GRM7: variants seen among roughly 807,000 people sequenced by gnomAD.
The protein encoded by GRM7 is metabotropic glutamate receptor 7.
Under a neutral mutation model 84.5 loss-of-function variants are expected in GRM7, and 35 were observed. The ratio of observed to expected loss-of-function variants is 0.41; its 90% CI spans 0.32 to 0.55. The LOEUF (loss-of-function observed/expected upper bound fraction) is 0.55, where lower values mean the gene tolerates loss of function less well. Ranked by LOEUF, GRM7 falls within the 20% of genes least tolerant of loss-of-function variation. GRM7 has a pLI of 0.19. For missense variants in GRM7, 1,003 were observed against 1,194.6 expected, an observed-to-expected ratio of 0.84 and a Z score of 2.36; for synonymous variants, 487 against 455.1, an observed-to-expected ratio of 1.07 and a Z score of -0.89.
intron 1 of GRM7, among the ~76,000 whole-genome samples, chr3:7,036,618 TCA>T (rs1477677113): frequency 9.9e-5 from 15 of 152,198 alleles, no homozygotes; most frequent in Non-Finnish European, 1.6e-4. Context: ...ACATTTTATT[TCA>T]CGTGGGTTTT....
intron 1 of GRM7, among the ~76,000 whole-genome samples, chr3:6,871,134 C>T (rs1356882773): frequency 6.6e-6 from 1 of 152,118 alleles, no homozygotes; most frequent in African/African-American, 2.4e-5. Flanking sequence ...AACAGTATCT[C>T]ATTATTTTAA....
chr3:7,294,288 G>A (rs1307526691), intron 2 of GRM7, among the ~76,000 whole-genome samples: 1 of 152,136 alleles, frequency 6.6e-6, no homozygotes, highest in Non-Finnish European at 1.5e-5. Flanking sequence ...GAGAAGCTGG[G>A]TTTCCATCCA....
At chr3:7,361,305 A>T (rs1403193879) in intron 4 of GRM7, among the ~76,000 whole-genome samples, 1 of 151,972 alleles carries the variant, frequency 6.6e-6, no homozygotes, top group African/African-American at 2.4e-5. Flanking sequence ...ATGCATTTAC[A>T]TTATCCCGAA....
At chr3:7,610,705 C>A (rs1210533642) in intron 8 of GRM7, among the ~76,000 whole-genome samples, 1 of 152,110 alleles carries the variant, frequency 6.6e-6, no homozygotes, top group Non-Finnish European at 1.5e-5. Context: ...TTTTCATGAT[C>A]CAGGGCATTA....
intron 2 of GRM7, among the ~76,000 whole-genome samples, chr3:7,257,167 G>A (rs1698239849): frequency 1.3e-5 from 2 of 152,100 alleles, no homozygotes; most frequent in Non-Finnish European, 2.9e-5. Context: ...TCAAGTAAAG[G>A]TAAGTTAGGT....
chr3:7,376,121 A>G (rs1282409536), intron 4 of GRM7, among the ~76,000 whole-genome samples: 5 of 152,192 alleles, frequency 3.3e-5, no homozygotes, highest in South Asian at 2.1e-4. Flanking sequence ...CGATGTTTTA[A>G]TTAAATTTTT....
chr3:7,138,878 C>T (rs926655411), intron 1 of GRM7, among the ~76,000 whole-genome samples: 1 of 151,080 alleles, frequency 6.6e-6, no homozygotes, highest in African/African-American at 2.4e-5. Flanking sequence ...TGTTTGTACA[C>T]ATTTAGACTT....
chr3:6,897,814 T>G (rs1043293343), intron 1 of GRM7, among the ~76,000 whole-genome samples: 13 of 152,188 alleles, frequency 8.5e-5, no homozygotes, highest in African/African-American at 2.2e-4. Flanking sequence ...GAAACAGAGA[T>G]AGTGTAGCAT....
intron 4 of GRM7, among the ~76,000 whole-genome samples, chr3:7,307,297 A>G (rs76815744): frequency 0.012 from 1,869 of 152,336 alleles, 33 homozygotes; most frequent in African/African-American, 0.043. Flanking sequence ...TTTGCCGATT[A>G]TAAGTTATGT....
At chr3:7,199,292 A>G (rs554414453) in intron 2 of GRM7, among the ~76,000 whole-genome samples, 2 of 152,314 alleles carry the variant, frequency 1.3e-5, no homozygotes, top group East Asian at 3.9e-4. Flanking sequence ...ATGAAGAGAG[A>G]TCTGGATGAC....
rs772468293 is a variant in GRM7, at chr3:7,142,308, A to G, written c.520-4144A>G. On this transcript the variant is annotated intron_variant, in intron 1 of 9. Transcript: ENST00000357716. ...TAGTAGTCTGCTTTCACACTGCTAT[A>G]AAGAACTGCTTGAGACTGGGTAACT... 1.4e-4 allele frequency among the ~76,000 whole-genome samples: 21 copies of G among 152,148 alleles called. 1 individual carries two copies. Among genetic ancestry groups the G allele is most frequent in the Non-Finnish European group, 1.9e-4 (13 of 68,034 alleles).
intron 2 of GRM7, among the ~76,000 whole-genome samples, chr3:7,244,374 A>G (rs1277098631): frequency 1.3e-5 from 2 of 152,108 alleles, no homozygotes; most frequent in African/African-American, 4.8e-5. Context: ...ACATGGAGCA[A>G]CAAAAATCTT....
intron 8 of GRM7, among the ~76,000 whole-genome samples, chr3:7,592,633 T>A (rs147062314): frequency 2.6e-4 from 40 of 152,226 alleles, no homozygotes; most frequent in Non-Finnish European, 5.1e-4. Context: ...AGGATCAAGC[T>A]GATCCTCCCA....
rs543997808 is a variant in GRM7 at position 7,200,020 on chromosome 3, G to A, written c.736+53352G>A. On this transcript the variant is annotated intron_variant, in intron 2 of 9. Coordinates refer to ENST00000357716, the MANE Select transcript of GRM7 (RefSeq NM_000844.4). The stretch of plus-strand genomic sequence containing the variant: ...TAGTGCTGCACCTGGTTGGTTCCTG[G>A]TGAGGGCACATGCTGGGTCATAACA... Among the ~76,000 whole-genome samples the A allele has an allele frequency of 9.2e-5, 14 of 152,324 alleles. No individual in the cohort carries two copies. The South Asian group carries it at 2.5e-3, about 27-fold the overall frequency.
chr3:7,725,502 C>G (rs1702091064), intron 9 of GRM7, among the ~76,000 whole-genome samples: 1 of 150,318 alleles, frequency 6.7e-6, no homozygotes, highest in Non-Finnish European at 1.5e-5. Flanking sequence ...ATCACACAGG[C>G]ACACACACAC....
chr3:6,939,752 T>C (rs760707905), intron 1 of GRM7, among the ~76,000 whole-genome samples: 6 of 152,168 alleles, frequency 3.9e-5, no homozygotes, highest in Non-Finnish European at 8.8e-5. Context: ...CTAGGAAAGA[T>C]ATAATCTTAA....
intron 5 of GRM7, among the ~76,000 whole-genome samples, chr3:7,446,484 G>T (rs367981904): frequency 7.3e-6 from 1 of 137,678 alleles, no homozygotes; most frequent in East Asian, 2.1e-4. Flanking sequence ...TTTTTGAGAC[G>T]GAGTCTCATT....
intron 2 of GRM7, among the ~76,000 whole-genome samples, chr3:7,281,422 C>G (rs917949331): frequency 6.6e-6 from 1 of 152,046 alleles, no homozygotes; most frequent in Non-Finnish European, 1.5e-5. Context: ...GTTGGAAGAT[C>G]TCAATAAATT....
At chr3:7,379,168 G>A (rs774364825) in intron 4 of GRM7, among the ~76,000 whole-genome samples, 1 of 152,104 alleles carries the variant, frequency 6.6e-6, no homozygotes. Flanking sequence ...TGCCTCTCAG[G>A]TTCAAGCAAT....
Sources: allele counts gnomAD v4.1 joint callset (sites outside exome capture counted in the v4.1 genomes callset), GRCh38; gene constraint gnomAD v4.1.1; transcripts MANE v1.5; gene names NCBI Gene and HGNC (gene_info 2026-07-23, HGNC 2026-07-21).